The following ANKRD55 variants were observed in gnomAD, a reference collection of about 807,000 sequenced individuals.
The protein encoded by ANKRD55 is ankyrin repeat domain-containing protein 55.
A neutral mutation model predicts 60.6 loss-of-function variants in ANKRD55; 41 were observed. That is an observed-to-expected ratio of 0.68 (90% confidence interval 0.53 to 0.88). ANKRD55 has a LOEUF of 0.88. ANKRD55 is among the 40% of genes least tolerant of loss of function. The pLI is 0.00. For synonymous variants in ANKRD55, 264 were observed against 290.3 expected (o/e 0.91, Z 0.92); for missense variants, 732 against 767.6 (o/e 0.95, Z 0.55).
At chr5:56,100,452 G>A (rs1216206015) in intron 11 of ANKRD55, 148 bp from the exon 12 acceptor site, 8 of 842,738 alleles carry the variant, frequency 9.5e-6, no homozygotes, top group African/African-American at 3.4e-5. Flanking sequence ...AGCTGTGTAT[G>A]TATATCTTGT....
intron 2 of ANKRD55, among the ~76,000 whole-genome samples, chr5:56,219,191 T>C (rs1429949114): frequency 7.1e-6 from 1 of 140,084 alleles, no homozygotes; most frequent in Non-Finnish European, 1.5e-5. Flanking sequence ...GAGAATCACT[T>C]AAACCCCGGA....
rs538962249 is a variant in ANKRD55 at position 56,200,320 on chromosome 5, T to A, written c.59-16686A>T. On this transcript the variant is annotated intron_variant, in intron 2 of 11. Coordinates refer to ENST00000341048, the MANE Select transcript of ANKRD55 (RefSeq NM_024669.3). ...ATAAATACTCTAGTAGGTTTTTTTT[T>A]AAAAAAGACATAGGTATGTATTTTA... is the stretch of plus-strand genomic sequence containing the variant. Among the ~76,000 whole-genome samples, 140 of 152,156 alleles carry A rather than the reference T, an allele frequency of 9.2e-4. 1 individual carries two copies. The highest frequency in any genetic ancestry group is 1.9e-3 in the African/African-American group (79 of 41,514).
At chr5:56,119,910 C>T (rs985818657) in intron 8 of ANKRD55, among the ~76,000 whole-genome samples, 1 of 152,084 alleles carries the variant, frequency 6.6e-6, no homozygotes, top group South Asian at 2.1e-4. Context: ...GGAGCGAGAC[C>T]CTGTCTCAAA....
intron 2 of ANKRD55, among the ~76,000 whole-genome samples, chr5:56,200,041 G>A (rs998147957): frequency 3.3e-5 from 5 of 152,102 alleles, no homozygotes; most frequent in African/African-American, 1.2e-4. Context: ...CTGGAAGAAC[G>A]TGCATCAAAA....
chr5:56,190,208 T>C (rs56241209), intron 2 of ANKRD55, among the ~76,000 whole-genome samples: 24,239 of 152,230 alleles, frequency 0.16, 3,608 homozygotes, highest in African/African-American at 0.39. Flanking sequence ...AGGAGTTCTT[T>C]ATATATTCTG....
chr5:56,113,072 T>C (rs185980776), intron 9 of ANKRD55, among the ~76,000 whole-genome samples: 292 of 152,310 alleles, frequency 1.9e-3, no homozygotes, highest in African/African-American at 6.7e-3. Context: ...TATGTCTGTG[T>C]GAATTGATGC....
At chr5:56,158,038 G>A (rs1408732070) in intron 6 of ANKRD55, among the ~76,000 whole-genome samples, 2 of 152,060 alleles carry the variant, frequency 1.3e-5, no homozygotes, top group Admixed American at 6.6e-5. Context: ...AAAATTAGCC[G>A]AGCATAGTGG....
At chr5:56,126,593 G>A (rs991051681) in intron 8 of ANKRD55, among the ~76,000 whole-genome samples, 3 of 148,636 alleles carry the variant, frequency 2.0e-5, no homozygotes, top group Non-Finnish European at 3.0e-5. Context: ...CAAGAATGAA[G>A]AAAAAAAAAA....
chr5:56,110,185 C>T (rs138616730), intron 10 of ANKRD55, among the ~76,000 whole-genome samples: 306 of 151,116 alleles, frequency 2.0e-3, no homozygotes, highest in African/African-American at 6.7e-3. Context: ...TTGCTTGAGG[C>T]CATGAGTTCA....
intron 7 of ANKRD55, among the ~76,000 whole-genome samples, chr5:56,138,127 CTTTTTT>C (rs70995774): frequency 7.7e-6 from 1 of 129,854 alleles, no homozygotes; most frequent in Non-Finnish European, 1.6e-5. Flanking sequence ...GTTTCTTTTT[CTTTTTT>C]TTTTTTTTTT....
chr5:56,135,287 C>CTTG (rs1554038503), intron 7 of ANKRD55, among the ~76,000 whole-genome samples: 556 of 47,784 alleles, frequency 0.012, 22 homozygotes, highest in African/African-American at 0.03. Context: ...TCCCTGCCTG[C>CTTG]CTGCTTGCTT....
chr5:56,218,892 C>T (rs1014617380), intron 2 of ANKRD55, among the ~76,000 whole-genome samples: 10 of 152,132 alleles, frequency 6.6e-5, no homozygotes, highest in East Asian at 3.9e-4. Flanking sequence ...AAAATGTTAA[C>T]GTTAGATGAA....
At chr5:56,208,271 T>C (rs558760877) in intron 2 of ANKRD55, among the ~76,000 whole-genome samples, 1 of 152,034 alleles carries the variant, frequency 6.6e-6, no homozygotes, top group African/African-American at 2.4e-5. Context: ...GACCTTCTTG[T>C]TCGCTTAAAA....
intron 5 of ANKRD55, among the ~76,000 whole-genome samples, chr5:56,163,763 A>G (rs1430224006): frequency 1.3e-5 from 2 of 152,190 alleles, no homozygotes; most frequent in Admixed American, 1.3e-4. Context: ...ATGCACACAA[A>G]GCACTTGGAA....
chr5:56,130,584 A>T (rs1757382965), intron 7 of ANKRD55, among the ~76,000 whole-genome samples: 1 of 152,238 alleles, frequency 6.6e-6, no homozygotes, highest in Admixed American at 6.5e-5. Context: ...ATGTCTGGCT[A>T]TCGAGAAAAA....
intron 5 of ANKRD55, among the ~76,000 whole-genome samples, chr5:56,167,607 A>C (rs371522668): frequency 5.7e-4 from 87 of 152,222 alleles, no homozygotes; most frequent in Admixed American, 1.6e-3. Flanking sequence ...GCCATAACTA[A>C]AGCAGAATTT....
rs183550315 is a variant in ANKRD55, at chr5:56,227,446, C to G, written c.58+5410G>C. ...GGCACATGTATACATATGTAACAAACCTACACACTGTGCATATGTACCCTA... is the reference window on the plus strand; with the variant it reads ...GGCACATGTATACATATGTAACAAAGCTACACACTGTGCATATGTACCCTA... On this transcript the variant is annotated intron_variant, in intron 2 of 11. Transcript: ENST00000341048. Among the ~76,000 whole-genome samples, 142 of 152,060 alleles carry G rather than the reference C, an allele frequency of 9.3e-4. 3 individuals carry two copies. The Middle Eastern group carries it at 0.027, about 29-fold the overall frequency.
At chr5:56,106,352 C>T (rs1301394889) in intron 10 of ANKRD55, among the ~76,000 whole-genome samples, 2 of 151,408 alleles carry the variant, frequency 1.3e-5, no homozygotes, top group East Asian at 1.9e-4. Flanking sequence ...AGTGCAGAAG[C>T]CTCAGTGATC....
chr5:56,216,095 T>C (rs1759800353), intron 2 of ANKRD55, among the ~76,000 whole-genome samples: 1 of 151,452 alleles, frequency 6.6e-6, no homozygotes. Context: ...AAAAAGGTAG[T>C]ATTAATTTCA....
Sources: allele counts gnomAD v4.1 joint callset (sites outside exome capture counted in the v4.1 genomes callset), GRCh38; gene constraint gnomAD v4.1.1; transcripts MANE v1.5; gene names NCBI Gene and HGNC (gene_info 2026-07-23, HGNC 2026-07-21).